The following PBRM1 variants were observed in gnomAD, a reference collection of about 807,000 sequenced individuals.
The protein encoded by PBRM1 is protein polybromo-1.
In PBRM1, 27 loss-of-function variants were observed where a neutral mutation model predicts 194.5. The observed-to-expected ratio is 0.14, with a 90% confidence interval of 0.10 to 0.19. The LOEUF (loss-of-function observed/expected upper bound fraction) is 0.19. Ranked by LOEUF, PBRM1 falls within the 10% of genes least tolerant of loss-of-function variation. The pLI, the probability that PBRM1 is intolerant of heterozygous loss-of-function variation, is 1.00. For missense variants in PBRM1, 1,466 were observed against 2,077.2 expected, an observed-to-expected ratio of 0.71 and a Z score of 5.72; for synonymous variants, 655 against 693.2, an observed-to-expected ratio of 0.94 and a Z score of 0.87.
At chr3:52,568,306 T>C (rs1490375394) in intron 22 of PBRM1, among the ~76,000 whole-genome samples, 1 of 152,192 alleles carries the variant, frequency 6.6e-6, no homozygotes, top group Non-Finnish European at 1.5e-5. Flanking sequence ...CTCTCCTTTA[T>C]TTTCTTTGCC....
chr3:52,581,545 G>A (rs1466180454), intron 20 of PBRM1, among the ~76,000 whole-genome samples: 1 of 150,854 alleles, frequency 6.6e-6, no homozygotes, highest in African/African-American at 2.4e-5. Flanking sequence ...ATACATGACA[G>A]GCAAGGGACA....
intron 17 of PBRM1, among the ~76,000 whole-genome samples, chr3:52,590,709 C>CGCCT (rs1431174182): frequency 6.6e-6 from 1 of 152,058 alleles, no homozygotes. Context: ...GTGATCTGCC[C>CGCCT]GCCTTAGCCT....
intron 15 of PBRM1, among the ~76,000 whole-genome samples, chr3:52,611,352 T>G (rs553628038): frequency 2.6e-5 from 4 of 152,194 alleles, no homozygotes; most frequent in Non-Finnish European, 4.4e-5. Flanking sequence ...AAGCCATAAA[T>G]AGATTTCACA....
intron 3 of PBRM1, among the ~76,000 whole-genome samples, chr3:52,664,412 GA>G (rs58727570): frequency 0.048 from 4,864 of 101,144 alleles, 120 homozygotes; most frequent in Non-Finnish European, 0.071. Context: ...TGAAAGAACT[GA>G]AAAAAAAAAA....
chr3:52,565,885 C>T (rs1284665065), intron 22 of PBRM1, among the ~76,000 whole-genome samples: 1 of 151,992 alleles, frequency 6.6e-6, no homozygotes, highest in Admixed American at 6.6e-5. Flanking sequence ...CCCGTCTCTA[C>T]TAACAGTACA....
exon 1 of PBRM1, chr3:52,679,647 C>G (rs762937964): frequency 6.2e-7 from 1 of 1,613,820 alleles, no homozygotes; most frequent in Non-Finnish European, 8.5e-7. Context: ...AGAATGGTGC[C>G]CATCATCAAA....
At chr3:52,656,042 T>C (rs1577742429) in intron 5 of PBRM1, among the ~76,000 whole-genome samples, 1 of 152,206 alleles carries the variant, frequency 6.6e-6, no homozygotes, top group East Asian at 1.9e-4. Context: ...TAGGGCTAAG[T>C]GCTACCATGG....
At chr3:52,562,288 C>T (rs1451594937) in intron 24 of PBRM1, among the ~76,000 whole-genome samples, 2 of 148,794 alleles carry the variant, frequency 1.3e-5, no homozygotes, top group African/African-American at 5.0e-5. Context: ...GACGGCGCCA[C>T]TGCACTCCAG....
exon 20 of PBRM1, chr3:52,586,679 T>G: frequency 6.3e-7 from 1 of 1,590,286 alleles, no homozygotes; most frequent in Non-Finnish European, 8.5e-7. Flanking sequence ...GGGCATAACT[T>G]AAAGTATTCC....
chr3:52,676,696 G>C (rs1448206131), intron 2 of PBRM1, among the ~76,000 whole-genome samples: 2 of 152,180 alleles, frequency 1.3e-5, no homozygotes, highest in African/African-American at 2.4e-5. Flanking sequence ...AACAGGCAGA[G>C]GATGCAACAG....
intron 18 of PBRM1, among the ~76,000 whole-genome samples, chr3:52,588,073 C>A (rs2092627429): frequency 6.6e-6 from 1 of 152,034 alleles, no homozygotes; most frequent in Non-Finnish European, 1.5e-5. Flanking sequence ...ATATAAAGTA[C>A]ATAATGAGGA....
At chr3:52,558,452 C>A in intron 25 of PBRM1, 39 bp from the exon 28 acceptor site, 1 of 1,485,136 alleles carries the variant, frequency 6.7e-7, no homozygotes, top group Non-Finnish European at 9.0e-7. Context: ...TGTTTTTAAC[C>A]CAGGAATTCA....
upstream of PBRM1, among the ~76,000 whole-genome samples, chr3:52,680,654 T>C (rs2097188409): frequency 6.6e-6 from 1 of 151,234 alleles, no homozygotes; most frequent in Non-Finnish European, 1.5e-5. Flanking sequence ...AAGGCCTTTT[T>C]CTTTCTTTCT....
At chr3:52,661,813 C>G (rs2096731203) in intron 4 of PBRM1, among the ~76,000 whole-genome samples, 1 of 152,180 alleles carries the variant, frequency 6.6e-6, no homozygotes. Flanking sequence ...ACTGCCTTTC[C>G]TTACATGATG....
chr3:52,586,215 TG>T (rs1178200697), intron 20 of PBRM1: 16 of 454,294 alleles, frequency 3.5e-5, no homozygotes, highest in African/African-American at 3.0e-4. Flanking sequence ...ATTACAGGCG[TG>T]AACCAATGCA....
chr3:52,548,371 A>T (rs1277900523), intron 29 of PBRM1, 136 bp from the exon 32 acceptor site: 4 of 557,756 alleles, frequency 7.2e-6, no homozygotes, highest in Non-Finnish European at 9.0e-6. Flanking sequence ...TAACTGCAGA[A>T]TATTTCCAGG....
At chr3:52,613,833 AAAAC>A (rs895664706) in intron 15 of PBRM1, among the ~76,000 whole-genome samples, 11 of 152,032 alleles carry the variant, frequency 7.2e-5, no homozygotes, top group East Asian at 1.9e-4. Context: ...CTATTAATTT[AAAAC>A]AAACAAACAA....
chr3:52,551,395 A>G (rs1446054239), intron 27 of PBRM1, among the ~76,000 whole-genome samples: 1 of 152,214 alleles, frequency 6.6e-6, no homozygotes. Flanking sequence ...CTGATAGAGT[A>G]GCACTCTGAA....
chr3:52,572,145 G>A (rs1465751788), intron 22 of PBRM1, among the ~76,000 whole-genome samples: 1 of 141,334 alleles, frequency 7.1e-6, no homozygotes, highest in Admixed American at 7.1e-5. Context: ...AAAAAAAAAG[G>A]CCCTTTTGTT....
Sources: allele counts gnomAD v4.1 joint callset (sites outside exome capture counted in the v4.1 genomes callset), GRCh38; gene constraint gnomAD v4.1.1; transcripts MANE v1.5; gene names NCBI Gene and HGNC (gene_info 2026-07-23, HGNC 2026-07-21).